Variants in ESRRG observed in about 807,000 individuals in gnomAD.
ESRRG encodes estrogen-related receptor gamma.
A neutral mutation model predicts 44.0 loss-of-function variants in ESRRG; 13 were observed. The observed-to-expected ratio is 0.30, with a 90% CI of 0.19 to 0.47. The LOEUF is 0.47. Ranked by LOEUF, ESRRG falls within the 20% of genes least tolerant of loss-of-function variation. ESRRG has a pLI of 1.00. For synonymous variants in ESRRG, 215 were observed against 214.6 expected (o/e 1.00, Z -0.02); for missense variants, 395 against 580.6 (o/e 0.68, Z 3.29).
Position 216,857,109 on chromosome 1 carries a change from T to A in ESRRG, c.-14+82473A>T, listed in dbSNP as rs556007271. Among the ~76,000 whole-genome samples, 192 of 152,186 alleles carry A rather than the reference T, an allele frequency of 1.3e-3. 1 individual carries two copies. The highest frequency in any genetic ancestry group is 3.4e-3 in the Middle Eastern group (1 of 294). ...CTTCTAACGACTTCCAGCTTGCTAA[T>A]TTTTTACGCTAATAATAAAAAAAGG... On this transcript the variant is annotated intron_variant, in intron 2 of 7. Coordinates refer to the ESRRG transcript ENST00000359162.
chr1:216,554,432 C>T lies in ESRRG; in HGVS notation c.862+9787G>A, dbSNP rs191242722. On this transcript the variant is annotated intron_variant, in intron 5 of 6. Transcript: ENST00000408911. ...TCATGCCACTGCACTCCAGCCTGGG[C>T]GACAAGAGTGACTCTGTCTCAAAAA... Among the ~76,000 whole-genome samples the T allele has an allele frequency of 8.9e-5, 13 of 146,646 alleles. No individual in the cohort carries two copies. In the East Asian group the frequency reaches 1.8e-3, roughly 21 times the overall value.
intron 1 of ESRRG, among the ~76,000 whole-genome samples, chr1:217,034,588 T>C (rs1287218365): frequency 1.3e-5 from 2 of 152,186 alleles, no homozygotes; most frequent in Non-Finnish European, 2.9e-5. Context: ...TACTGACATC[T>C]AAACCACTAG....
At chr1:216,680,979 C>A (rs956806434) in intron 1 of ESRRG, among the ~76,000 whole-genome samples, 3 of 151,938 alleles carry the variant, frequency 2.0e-5, no homozygotes. Context: ...TATCTGTAGC[C>A]AAAGAGAATA....
chr1:216,898,367 C>A (rs1231850646), intron 2 of ESRRG, among the ~76,000 whole-genome samples: 3 of 152,138 alleles, frequency 2.0e-5, no homozygotes, highest in African/African-American at 2.4e-5. Context: ...CCTGTAATCC[C>A]AGCACTTTGG....
intron 2 of ESRRG, among the ~76,000 whole-genome samples, chr1:216,775,332 A>G (rs1408656769): frequency 2.0e-5 from 3 of 151,880 alleles, no homozygotes; most frequent in Non-Finnish European, 4.4e-5. Context: ...AATTATCTCC[A>G]TAATCTTTAT....
Position 216,609,210 on chromosome 1 carries a change from T to C in ESRRG, c.590-41112A>G, listed in dbSNP as rs527842415. Among the ~76,000 whole-genome samples, 24 of 152,384 alleles carry C rather than the reference T, an allele frequency of 1.6e-4. No individual in the cohort carries two copies. The South Asian group carries it at 2.9e-3, about 18-fold the overall frequency. On this transcript the variant is annotated intron_variant, in intron 3 of 6. Coordinates refer to ENST00000408911, the MANE Select transcript of ESRRG (RefSeq NM_001438.4). Reference sequence around the variant, plus strand: ...ATTTCCCACTTACATTTATTCTACATTTATTCATGAAATTATTTGATTCCT... The same window carrying C: ...ATTTCCCACTTACATTTATTCTACACTTATTCATGAAATTATTTGATTCCT...
At chr1:217,073,379 C>T (rs1451404881) in intron 1 of ESRRG, among the ~76,000 whole-genome samples, 1 of 152,090 alleles carries the variant, frequency 6.6e-6, no homozygotes, top group East Asian at 1.9e-4. Flanking sequence ...TCCTACTGCA[C>T]ACTGCAGCTT....
At chr1:216,589,989 T>C (rs539585704) in intron 3 of ESRRG, among the ~76,000 whole-genome samples, 2 of 140,022 alleles carry the variant, frequency 1.4e-5, no homozygotes, top group East Asian at 4.2e-4. Context: ...AAAATATATA[T>C]AACAGCAATT....
intron 1 of ESRRG, among the ~76,000 whole-genome samples, chr1:217,056,747 C>G (rs752752628): frequency 2.0e-4 from 30 of 150,818 alleles, no homozygotes; most frequent in Non-Finnish European, 2.5e-4. Flanking sequence ...AAATCCCTGA[C>G]AACATTTAAA....
intron 3 of ESRRG, among the ~76,000 whole-genome samples, chr1:216,583,703 A>T (rs2063230823): frequency 6.6e-6 from 1 of 152,210 alleles, no homozygotes. Context: ...GTCATAATAA[A>T]GACATACCCG....
At chr1:216,945,540 A>G (rs2065924664) in intron 1 of ESRRG, among the ~76,000 whole-genome samples, 2 of 152,096 alleles carry the variant, frequency 1.3e-5, no homozygotes, top group African/African-American at 4.8e-5. Flanking sequence ...CTCTATACCT[A>G]TTTATTTATT....
chr1:216,880,603 C>T (rs4369291), intron 2 of ESRRG, among the ~76,000 whole-genome samples: 25,475 of 151,980 alleles, frequency 0.17, 2,217 homozygotes, highest in Non-Finnish European at 0.19. Flanking sequence ...TTTCATTTGA[C>T]TTTAATCAGG....
chr1:216,863,505 TATCC>T (rs2096089566), intron 2 of ESRRG: 2 of 152,158 alleles, frequency 1.3e-5, no homozygotes, highest in African/African-American at 4.8e-5. Context: ...AGACAGTCAA[TATCC>T]TCTTAGAGAG....
At chr1:216,543,387 C>G (rs1445701902) in intron 5 of ESRRG, among the ~76,000 whole-genome samples, 1 of 151,936 alleles carries the variant, frequency 6.6e-6, no homozygotes, top group Admixed American at 6.6e-5. Flanking sequence ...AAACTTCTTC[C>G]ATGCCTCTTC....
intron 2 of ESRRG, among the ~76,000 whole-genome samples, chr1:216,810,120 G>A (rs948012703): frequency 7.2e-5 from 11 of 152,050 alleles, no homozygotes; most frequent in African/African-American, 2.7e-4. Flanking sequence ...AGTGGTGGTG[G>A]CGAAAACAGA....
At chr1:216,687,644 C>T (rs1469377608) in intron 1 of ESRRG, among the ~76,000 whole-genome samples, 2 of 152,142 alleles carry the variant, frequency 1.3e-5, no homozygotes, top group East Asian at 1.9e-4. Flanking sequence ...TCTCATTTAG[C>T]GTCTCCTACA....
chr1:216,744,672 A>G (rs1178409099), intron 2 of ESRRG, among the ~76,000 whole-genome samples: 3 of 152,176 alleles, frequency 2.0e-5, no homozygotes, highest in Admixed American at 6.5e-5. Flanking sequence ...CACCATCTTT[A>G]TTCCTGGCAA....
intron 2 of ESRRG, among the ~76,000 whole-genome samples, chr1:216,777,290 G>A (rs893588236): frequency 3.9e-5 from 6 of 152,080 alleles, no homozygotes; most frequent in African/African-American, 1.2e-4. Context: ...ATGGTGTTCC[G>A]AGGCAATGCT....
intron 2 of ESRRG, among the ~76,000 whole-genome samples, chr1:216,774,795 C>CTTTTTTT (rs1178221974): frequency 1.0e-4 from 4 of 40,190 alleles, no homozygotes; most frequent in African/African-American, 5.6e-4. Context: ...TGAATAATTT[C>CTTTTTTT]TTCTTTTTTT....
Sources: allele counts gnomAD v4.1 joint callset (sites outside exome capture counted in the v4.1 genomes callset), GRCh38; gene constraint gnomAD v4.1.1; transcripts MANE v1.5; gene names NCBI Gene and HGNC (gene_info 2026-07-23, HGNC 2026-07-21).